Variants in DCHS2 observed in about 807,000 individuals in gnomAD.
DCHS2 encodes dachsous cadherin-related 2.
DCHS2 carries 142 observed loss-of-function variants against 182.4 expected under a neutral mutation model. That is an observed-to-expected ratio of 0.78 (90% CI 0.68 to 0.89). The LOEUF is 0.89. Ranked by LOEUF, DCHS2 falls within the 40% of genes least tolerant of loss-of-function variation. The pLI is 0.00. For missense variants in DCHS2, 4,319 were observed against 4,198.6 expected (o/e 1.03, Z -0.79); for synonymous variants, 1,740 against 1,663.3 (o/e 1.05, Z -1.12).
chr4:154,357,488 G>C (rs1490676), intron 3 of DCHS2, among the ~76,000 whole-genome samples: 129,450 of 152,130 alleles, frequency 0.85, 55,200 homozygotes, highest in South Asian at 0.93. Context: ...CCTTGGATGA[G>C]AGTAAAATGC....
chr4:154,452,935 T>G (rs976893000), intron 1 of DCHS2, among the ~76,000 whole-genome samples: 3 of 152,192 alleles, frequency 2.0e-5, no homozygotes, highest in Non-Finnish European at 4.4e-5. Context: ...GCACTTCCAC[T>G]TCGAGGACTA....
rs149425538 is a variant in DCHS2, at chr4:154,337,732, T to TTTATTA, written c.2477-2634_2477-2629dup. Among the ~76,000 whole-genome samples the TTTATTA allele has an allele frequency of 1.6e-3, 241 of 150,446 alleles. 3 individuals are homozygous for TTTATTA. The South Asian group carries it at 0.017, about 11-fold the overall frequency. ...TTGATGTAACAATTTCTAGCCATAT[T>TTTATTA]TTATTATTATTATTATTATTATTAT... is the stretch of plus-strand genomic sequence containing the variant. On this transcript the variant is annotated intron_variant, in intron 3 of 19. Coordinates refer to ENST00000357232, the MANE Select transcript of DCHS2 (RefSeq NM_001358235.2).
chr4:154,458,055 C>T (rs775611124), intron 1 of DCHS2, among the ~76,000 whole-genome samples: 6 of 151,696 alleles, frequency 4.0e-5, no homozygotes, highest in East Asian at 3.9e-4. Flanking sequence ...AATGTTAATT[C>T]GGATACATTA....
chr4:154,269,807 A>T, intron 14 of DCHS2, 93 bp downstream of exon 14: 1 of 1,465,040 alleles, frequency 6.8e-7, no homozygotes, highest in Non-Finnish European at 9.2e-7. Flanking sequence ...CTTTTAAATT[A>T]CTTAGCTCTA....
chr4:154,331,036 C>T (rs141101458), intron 5 of DCHS2, among the ~76,000 whole-genome samples: 40 of 152,190 alleles, frequency 2.6e-4, no homozygotes, highest in Middle Eastern at 6.8e-3. Context: ...GAGCTCAAGT[C>T]CTGGTCACTT....
intron 16 of DCHS2, 55 bp from the exon 17 acceptor site, chr4:154,242,827 C>T: frequency 1.9e-6 from 3 of 1,543,216 alleles, no homozygotes; most frequent in Non-Finnish European, 1.7e-6. Context: ...ATTAGAAAAA[C>T]AACATAAATA....
At chr4:154,449,546 A>AT (rs1215580903) in intron 1 of DCHS2, among the ~76,000 whole-genome samples, 4 of 151,712 alleles carry the variant, frequency 2.6e-5, no homozygotes, top group Non-Finnish European at 5.9e-5. Context: ...AATTTTTGTA[A>AT]TTTTTTTGTA....
At position 154,234,626 on chromosome 4, in the gene DCHS2, C is replaced by A. The variant is rs759627763; in HGVS notation, c.10026G>T (p.Leu3342Phe). The change falls in exon 20 of 20, where the codon TTG becomes TTT. Residue 3342 changes from leucine to phenylalanine, a missense_variant. Coordinates refer to ENST00000357232, the MANE Select transcript of DCHS2 (RefSeq NM_001358235.2). ...LSLLTMQPPALSPLLREGELL... is the reference protein window; with the variant it reads ...LSLLTMQPPAFSPLLREGELL... Reference sequence around the variant, plus strand: ...ATTCTCCTTCTCTCAACAGTGGAGACAAGGCAGGAGGCTGCATCGTCAATA... The same window carrying A: ...ATTCTCCTTCTCTCAACAGTGGAGAAAAGGCAGGAGGCTGCATCGTCAATA... 1.1e-5 allele frequency: 17 copies of A among 1,613,870 alleles called. No homozygotes were observed. The South Asian group carries it at 1.9e-4, about 18-fold the overall frequency.
At chr4:154,376,409 C>A (rs1410827332) in intron 2 of DCHS2, among the ~76,000 whole-genome samples, 3 of 151,564 alleles carry the variant, frequency 2.0e-5, no homozygotes, top group Admixed American at 6.6e-5. Flanking sequence ...AGGAAAAAGA[C>A]ATTATTGTTT....
At chr4:154,353,249 C>G (rs1044942819) in intron 3 of DCHS2, among the ~76,000 whole-genome samples, 1 of 151,956 alleles carries the variant, frequency 6.6e-6, no homozygotes, top group Non-Finnish European at 1.5e-5. Flanking sequence ...CCCACCTTCA[C>G]CCAAGGATTC....
chr4:154,356,665 A>G (rs991248094), intron 3 of DCHS2, among the ~76,000 whole-genome samples: 1 of 152,176 alleles, frequency 6.6e-6, no homozygotes, highest in African/African-American at 2.4e-5. Context: ...ACAGTTGCCT[A>G]TAGTAGTCAA....
Position 154,333,106 on chromosome 4 carries a change from C to T in DCHS2, c.3102G>A (p.Val1034=), listed in dbSNP as rs1487646812. 4 of 1,613,956 alleles carry T rather than the reference C, an allele frequency of 2.5e-6. No individual in the cohort carries two copies. In the East Asian group the frequency reaches 8.9e-5, roughly 36 times the overall value. The change falls in exon 5 of 20, where the codon GTG becomes GTA. Residue 1034 remains valine (V), a synonymous_variant. Coordinates refer to ENST00000357232, the MANE Select transcript of DCHS2 (RefSeq NM_001358235.2). The part of the protein sequence containing the change: ...GVFAIDRALG[V]LFLNGSLGAG... ...CGCCCAGGCTGCCGTTGAGGAACAG[C>T]ACCCCCAGGGCTCTGTCGATGGCAA...
chr4:154,489,556 T>G lies in DCHS2; in HGVS notation c.1800A>C (p.Ala600=). 1 of 1,551,280 alleles carries G rather than the reference T, an allele frequency of 6.4e-7. No homozygotes were observed. The highest frequency in any genetic ancestry group is 8.7e-7 in the Non-Finnish European group (1 of 1,146,754). ...CAATGGCAAAAGATGGTCCACACTC[T>G]GCGGTGTGGACCATCTTTGATTGCA... ...GSLQSKMVHT[A]ECGPSFAIDS... The change falls in exon 1 of 20, where the codon GCA becomes GCC. Residue 600 remains alanine, a synonymous_variant. Transcript: ENST00000357232.
intron 1 of DCHS2, among the ~76,000 whole-genome samples, chr4:154,393,486 T>C (rs1032628953): frequency 6.6e-6 from 1 of 152,204 alleles, no homozygotes; most frequent in Non-Finnish European, 1.5e-5. Context: ...AATAGTTTAA[T>C]CAGATGTTGT....
intron 16 of DCHS2, among the ~76,000 whole-genome samples, chr4:154,253,000 G>A (rs777396507): frequency 6.6e-6 from 1 of 151,210 alleles, no homozygotes; most frequent in East Asian, 2.0e-4. Context: ...CACTAAAGGT[G>A]TAGCAGACTA....
intron 16 of DCHS2, among the ~76,000 whole-genome samples, chr4:154,248,469 G>T (rs1023391895): frequency 6.6e-6 from 1 of 151,472 alleles, no homozygotes; most frequent in Non-Finnish European, 1.5e-5. Context: ...GTGAGGCAGT[G>T]GTTGCTGACT....
At chr4:154,368,230 T>C (rs1730481723) in intron 2 of DCHS2, among the ~76,000 whole-genome samples, 1 of 152,170 alleles carries the variant, frequency 6.6e-6, no homozygotes, top group Non-Finnish European at 1.5e-5. Context: ...GATAAGCTTA[T>C]AGAAAATATT....
At chr4:154,418,130 T>C (rs1732951276) in intron 1 of DCHS2, among the ~76,000 whole-genome samples, 1 of 152,262 alleles carries the variant, frequency 6.6e-6, no homozygotes, top group African/African-American at 2.4e-5. Flanking sequence ...TTCTAGTTAA[T>C]ACAATAATTT....
intron 3 of DCHS2, among the ~76,000 whole-genome samples, chr4:154,347,864 TC>T (rs745364094): frequency 1.2e-4 from 18 of 151,980 alleles, no homozygotes; most frequent in African/African-American, 1.7e-4. Flanking sequence ...TGACACTCAT[TC>T]CAACATGTCT....
Sources: allele counts gnomAD v4.1 joint callset (sites outside exome capture counted in the v4.1 genomes callset), GRCh38; gene constraint gnomAD v4.1.1; transcripts MANE v1.5; gene names NCBI Gene and HGNC (gene_info 2026-07-23, HGNC 2026-07-21).